ZNF765: variants seen among roughly 807,000 people sequenced by gnomAD.
ZNF765 encodes the protein zinc finger protein 765.
A neutral mutation model predicts 44.7 loss-of-function variants in ZNF765; 37 were observed. The ratio of observed to expected loss-of-function variants is 0.83; its 90% confidence interval spans 0.64 to 1.09. The LOEUF (loss-of-function observed/expected upper bound fraction) is 1.09. Among genes scored for constraint, ZNF765 ranks in the 50% least tolerant of loss-of-function variants. The pLI, the probability that ZNF765 is intolerant of heterozygous loss-of-function variation, is 0.00. For missense variants in ZNF765, 594 were observed against 626.1 expected (o/e 0.95, Z 0.55); for synonymous variants, 201 against 213.7 (o/e 0.94, Z 0.52).
intron 3 of ZNF765, among the ~76,000 whole-genome samples, chr19:53,417,460 C>T (rs1470306329): frequency 6.6e-6 from 1 of 152,172 alleles, no homozygotes; most frequent in Non-Finnish European, 1.5e-5. Flanking sequence ...GACATGATCT[C>T]GTTCTTTTTT....
intron 3 of ZNF765, among the ~76,000 whole-genome samples, chr19:53,420,539 AAAG>A (rs923443100): frequency 2.6e-4 from 40 of 152,194 alleles, no homozygotes; most frequent in African/African-American, 7.7e-4. Flanking sequence ...ATTGTGGGGA[AAAG>A]AAGGAGAGAT....
In ZNF765 at chr19:53,408,082, C is replaced by T. The variant is rs2085793619; in HGVS notation, c.527C>T (p.Thr176Ile). The T allele has an allele frequency of 6.2e-7, 1 of 1,614,174 alleles. No individual in the cohort carries two copies. Among genetic ancestry groups the T allele is most frequent in the Non-Finnish European group, 8.5e-7 (1 of 1,180,012 alleles). ...ATCCACGATGCTTCCTTGGTTTCAA[C>T]AGCCCAAAGAATTTCTTGTAGGCCT... The part of the protein sequence containing the change: ...KSIHDASLVS[T>I]AQRISCRPET... The change falls in exon 4 of 4, where the codon ACA becomes ATA. Residue 176 changes from threonine to isoleucine, a missense_variant. Coordinates refer to ENST00000396408, the MANE Select transcript of ZNF765 (RefSeq NM_001040185.3).
chr19:53,405,890 TAATTA>T, intron 3 of ZNF765, among the ~76,000 whole-genome samples: 1 of 120,374 alleles, frequency 8.3e-6, no homozygotes, highest in South Asian at 2.7e-4. Flanking sequence ...GTGAACTAGA[TAATTA>T]ATACCAACTA....
chr19:53,400,754 A>T (rs1360911781), intron 2 of ZNF765, among the ~76,000 whole-genome samples: 1 of 117,170 alleles, frequency 8.5e-6, no homozygotes, highest in Non-Finnish European at 1.7e-5. Context: ...AGGTTTCATT[A>T]TTTGTTGACA....
At chr19:53,416,993 T>C (rs1414933446), downstream of ZNF765, among the ~76,000 whole-genome samples, 1 of 152,064 alleles carries the variant, frequency 6.6e-6, no homozygotes, top group Non-Finnish European at 1.5e-5. Flanking sequence ...AATTTTTGTC[T>C]TTTTGGTAGA....
At chr19:53,405,082 T>A (rs2085761669) in intron 3 of ZNF765, among the ~76,000 whole-genome samples, 1 of 152,090 alleles carries the variant, frequency 6.6e-6, no homozygotes, top group Non-Finnish European at 1.5e-5. Context: ...CCGGGCACGG[T>A]GGCTCAAGCC....
chr19:53,414,335 A>C (rs1600063875), downstream of ZNF765, among the ~76,000 whole-genome samples: 3 of 150,902 alleles, frequency 2.0e-5, no homozygotes, highest in Admixed American at 2.0e-4. Flanking sequence ...CTACATGGAG[A>C]GCAATATGTG....
downstream of ZNF765, among the ~76,000 whole-genome samples, chr19:53,416,279 GC>G (rs1386163765): frequency 6.6e-6 from 1 of 152,098 alleles, no homozygotes; most frequent in Non-Finnish European, 1.5e-5. Flanking sequence ...GGTAGCGGGT[GC>G]CTTTAGTCCC....
At chr19:53,406,016 A>C (rs2085772113) in intron 3 of ZNF765, among the ~76,000 whole-genome samples, 1 of 52,214 alleles carries the variant, frequency 1.9e-5, no homozygotes, top group Non-Finnish European at 4.3e-5. Context: ...ACCCTCTGAC[A>C]CCGTTAGTCA....
Position 53,411,883 on chromosome 19 carries a change from C to G in ZNF765, c.*2756C>G, listed in dbSNP as rs1187340062. On this transcript the variant is annotated 3_prime_UTR_variant, in exon 4 of 4. Coordinates refer to ENST00000396408, the MANE Select transcript of ZNF765 (RefSeq NM_001040185.3). Reference sequence around the variant, plus strand: ...ATTCAACTAATTTTTGGTGCTGATACTGTATTGTGCAAATCCACTGAATAT... The same window carrying G: ...ATTCAACTAATTTTTGGTGCTGATAGTGTATTGTGCAAATCCACTGAATAT... 6.6e-6 allele frequency: 1 copy of G among 152,434 alleles called. No individual in the cohort carries two copies. Among genetic ancestry groups the G allele is most frequent in the Non-Finnish European group, 1.5e-5 (1 of 68,228 alleles). 9.4% of individuals were successfully genotyped at this position (152,434 alleles called of 1,614,324 possible). A position where few individuals can be genotyped will look rare whatever the true frequency, so the allele number is the denominator to read the frequency against.
intron 2 of ZNF765, among the ~76,000 whole-genome samples, chr19:53,399,791 G>A (rs1421028432): frequency 2.0e-5 from 3 of 152,016 alleles, no homozygotes; most frequent in Non-Finnish European, 4.4e-5. Flanking sequence ...CTGGTGTTAA[G>A]TCCCGTACCC....
At chr19:53,405,953 A>C (rs57043980) in intron 3 of ZNF765, among the ~76,000 whole-genome samples, 27 of 124,364 alleles carry the variant, frequency 2.2e-4, no homozygotes, top group African/African-American at 8.2e-4. Context: ...ATATATATAA[A>C]ATTGCTGTAT....
intron 3 of ZNF765, among the ~76,000 whole-genome samples, chr19:53,402,584 A>C (rs563413959): frequency 6.6e-6 from 1 of 151,978 alleles, no homozygotes; most frequent in South Asian, 2.1e-4. Flanking sequence ...TTTTTAGATA[A>C]AGTGTCTCTC....
downstream of ZNF765, among the ~76,000 whole-genome samples, chr19:53,414,267 A>C (rs77418752): frequency 0.2 from 21,131 of 105,168 alleles, 5,141 homozygotes; most frequent in Middle Eastern, 0.28. Flanking sequence ...AACTTGCAGC[A>C]AACATGGTAT....
downstream of ZNF765, among the ~76,000 whole-genome samples, chr19:53,413,824 G>T (rs2085851666): frequency 6.9e-6 from 1 of 144,828 alleles, no homozygotes; most frequent in South Asian, 2.2e-4. Flanking sequence ...TCACAAGCTT[G>T]TGAAAGGAAA....
At chr19:53,404,508 G>A (rs529719254) in intron 3 of ZNF765, among the ~76,000 whole-genome samples, 17 of 151,690 alleles carry the variant, frequency 1.1e-4, no homozygotes, top group African/African-American at 1.5e-4. Context: ...GCTGGAGTGC[G>A]GTGGTGCGAT....
downstream of ZNF765, among the ~76,000 whole-genome samples, chr19:53,414,684 ATG>A (rs1268653812): frequency 6.7e-6 from 1 of 149,240 alleles, no homozygotes; most frequent in East Asian, 2.0e-4. Context: ...ATTTGTTGGG[ATG>A]TGGCATTTTA....
At chr19:53,414,904 G>T (rs145297810), downstream of ZNF765, among the ~76,000 whole-genome samples, 4 of 152,194 alleles carry the variant, frequency 2.6e-5, no homozygotes, top group East Asian at 7.8e-4. Flanking sequence ...CAATGACATG[G>T]TTTATTCACA....
chr19:53,402,954 A>T (rs1461291307), intron 3 of ZNF765, among the ~76,000 whole-genome samples: 1 of 152,030 alleles, frequency 6.6e-6, no homozygotes, highest in Non-Finnish European at 1.5e-5. Context: ...AGGTGGGTGG[A>T]TCACGAGGTC....
Sources: gnomAD v4.1 joint callset for allele counts (sites outside exome capture counted in the v4.1 genomes callset) on GRCh38, gnomAD v4.1.1 for gene constraint, MANE v1.5 for transcripts, NCBI Gene and HGNC (gene_info 2026-07-23, HGNC 2026-07-21) for gene names.